Variants in DPY19L2 observed in about 807,000 individuals in gnomAD.
The protein encoded by DPY19L2 is dpy-19 like 2.
Under a neutral mutation model 97.9 loss-of-function variants are expected in DPY19L2, and 34 were observed. The observed-to-expected ratio is 0.35, with a 90% CI of 0.26 to 0.46. The LOEUF (loss-of-function observed/expected upper bound fraction) is 0.46. DPY19L2 is among the 20% of genes least tolerant of loss of function. The probability of loss-of-function intolerance (pLI) is 1.00; values close to 1 mark genes in which losing one functional copy is unlikely to be tolerated. For synonymous variants in DPY19L2, 230 were observed against 307.9 expected, an observed-to-expected ratio of 0.75 and a Z score of 2.65; for missense variants, 623 against 911.4, an observed-to-expected ratio of 0.68 and a Z score of 4.07.
chr12:63,560,158 A>G lies in DPY19L2; in HGVS notation c.*354T>C. 1 of 175,018 alleles carries G rather than the reference A, an allele frequency of 5.7e-6. No individual in the cohort carries two copies. Among genetic ancestry groups the G allele is most frequent in the South Asian group, 1.4e-4 (1 of 7,218 alleles). The allele number at this position is 175,018 out of a possible 1,614,324, so 10.8% of individuals were successfully genotyped here. The stretch of plus-strand genomic sequence containing the variant: ...TTGAGGAGGTACCCTCTGGTACTAG[A>G]GAAAATCTGAAGCAATTCACCTAGT... On this transcript the variant is annotated 3_prime_UTR_variant, in exon 22 of 22. Coordinates refer to ENST00000324472, the MANE Select transcript of DPY19L2 (RefSeq NM_173812.5).
At chr12:63,663,925 AAAAAG>A (rs1896007103) in intron 2 of DPY19L2, 80 bp from the exon 3 acceptor site, 2 of 885,546 alleles carry the variant, frequency 2.3e-6, no homozygotes, top group Non-Finnish European at 3.4e-6. Context: ...GAAAGCCATA[AAAAAG>A]AAAACAATAA....
intron 4 of DPY19L2, among the ~76,000 whole-genome samples, chr12:63,658,718 A>G (rs1895291373): frequency 6.6e-6 from 1 of 152,108 alleles, no homozygotes; most frequent in Admixed American, 6.5e-5. Context: ...CCAAGGAAGT[A>G]TTACTCATAA....
At chr12:63,619,710 G>A (rs1289363487) in intron 9 of DPY19L2, among the ~76,000 whole-genome samples, 1 of 151,906 alleles carries the variant, frequency 6.6e-6, no homozygotes, top group East Asian at 1.9e-4. Flanking sequence ...TCACCATCTT[G>A]GCCAGGCTGG....
chr12:63,645,086 ATG>A (rs56147827), intron 5 of DPY19L2, among the ~76,000 whole-genome samples: 98,682 of 150,398 alleles, frequency 0.66, 32,614 homozygotes, highest in East Asian at 0.87. Context: ...ATAGAAGATC[ATG>A]TGTGTGTGTG....
At chr12:63,624,452 GTATGATCCTGGCA>G (rs952392908) in intron 7 of DPY19L2, among the ~76,000 whole-genome samples, 1 of 152,036 alleles carries the variant, frequency 6.6e-6, no homozygotes, top group African/African-American at 2.4e-5. Context: ...CAGCCCTGCA[GTATGATCCTGGCA>G]TATGATCCTG....
intron 15 of DPY19L2, among the ~76,000 whole-genome samples, chr12:63,594,491 G>GTGTGTGTGTGTGTGTA (rs58963302): frequency 1.0e-3 from 149 of 144,624 alleles, no homozygotes; most frequent in African/African-American, 3.8e-3. Flanking sequence ...GTGTGTGTGT[G>GTGTGTGTGTGTGTGTA]TATGAAACTT....
chr12:63,589,023 T>C (rs11175054), intron 16 of DPY19L2, among the ~76,000 whole-genome samples: 33,450 of 151,638 alleles, frequency 0.22, 4,066 homozygotes, highest in East Asian at 0.43. Context: ...AAAATGCTGG[T>C]ATTACAGGCG....
At chr12:63,657,818 C>T (rs1270277711) in intron 4 of DPY19L2, among the ~76,000 whole-genome samples, 1 of 152,196 alleles carries the variant, frequency 6.6e-6, no homozygotes, top group African/African-American at 2.4e-5. Flanking sequence ...TTCATACCAG[C>T]TCACACTAAG....
At position 63,583,738 on chromosome 12, in the gene DPY19L2, T is replaced by G. The variant is rs1435411768; in HGVS notation, c.1605+74A>C. The G allele has an allele frequency of 2.0e-6, 3 of 1,500,898 alleles. No individual in the cohort carries two copies. The African/African-American group carries it at 4.2e-5, about 21-fold the overall frequency. 93.0% of individuals were successfully genotyped at this position (1,500,898 alleles called of 1,614,324 possible). ...TACTGAAGGTGCATCAGCAGCAAGG[T>G]TATACCTTTGTCAATTATCCTCAAA... is the stretch of plus-strand genomic sequence containing the variant. On this transcript the variant is annotated intron_variant, in intron 17 of 21. Coordinates refer to ENST00000324472, the MANE Select transcript of DPY19L2 (RefSeq NM_173812.5).
At chr12:63,610,856 A>AAAAAAAAAAAAAAAAAAAAC (rs1886848949) in intron 11 of DPY19L2, among the ~76,000 whole-genome samples, 1 of 97,272 alleles carries the variant, frequency 1.0e-5, no homozygotes, top group Non-Finnish European at 2.2e-5. Flanking sequence ...AAAAAAAAAA[A>AAAAAAAAAAAAAAAAAAAAC]AAAAAAAAAA....
intron 12 of DPY19L2, 55 bp from the exon 13 acceptor site, chr12:63,600,441 T>C: frequency 7.5e-7 from 1 of 1,334,742 alleles, no homozygotes; most frequent in Non-Finnish European, 1.1e-6. Context: ...CCAGCTAAAG[T>C]ATTCAATTAT....
chr12:63,594,263 A>G, intron 15 of DPY19L2, 130 bp from the exon 16 acceptor site: 1 of 650,692 alleles, frequency 1.5e-6, no homozygotes, highest in Non-Finnish European at 2.5e-6. Flanking sequence ...GTCCTCAGGA[A>G]CAGGACGGTC....
chr12:63,576,874 C>A (rs1432341558), intron 19 of DPY19L2, among the ~76,000 whole-genome samples: 1 of 152,000 alleles, frequency 6.6e-6, no homozygotes, highest in Admixed American at 6.6e-5. Flanking sequence ...AAGCAATCTA[C>A]AGATTCAATG....
intron 15 of DPY19L2, among the ~76,000 whole-genome samples, chr12:63,594,766 A>T (rs1170574343): frequency 2.6e-5 from 4 of 152,162 alleles, no homozygotes; most frequent in South Asian, 4.1e-4. Context: ...TTAATTTTTT[A>T]AAATATAGCA....
chr12:63,624,556 G>T (rs976589516), intron 7 of DPY19L2, among the ~76,000 whole-genome samples: 36 of 152,198 alleles, frequency 2.4e-4, no homozygotes, highest in Non-Finnish European at 4.3e-4. Context: ...AGCACCAAGA[G>T]AGTTTCTACA....
At chr12:63,629,184 T>C (rs191717722) in intron 6 of DPY19L2, among the ~76,000 whole-genome samples, 21 of 152,156 alleles carry the variant, frequency 1.4e-4, no homozygotes, top group South Asian at 2.1e-4. Flanking sequence ...GGAACGCAGC[T>C]CCTCACCAGC....
chr12:63,650,730 A>G (rs1894090075), intron 4 of DPY19L2, among the ~76,000 whole-genome samples: 1 of 152,210 alleles, frequency 6.6e-6, no homozygotes, highest in South Asian at 2.1e-4. Flanking sequence ...GCTCATGAAT[A>G]GGAAGATTCA....
At chr12:63,579,268 T>C (rs1880448692) in intron 19 of DPY19L2, among the ~76,000 whole-genome samples, 1 of 152,202 alleles carries the variant, frequency 6.6e-6, no homozygotes, top group African/African-American at 2.4e-5. Flanking sequence ...GACCACAAGC[T>C]GGATTTAAGC....
chr12:63,654,325 A>C (rs1289776194), intron 4 of DPY19L2, among the ~76,000 whole-genome samples: 1 of 152,148 alleles, frequency 6.6e-6, no homozygotes, highest in Non-Finnish European at 1.5e-5. Flanking sequence ...AGCTTTGTAA[A>C]GTGATATATT....
Sources: gnomAD v4.1 joint callset for allele counts (sites outside exome capture counted in the v4.1 genomes callset) on GRCh38, gnomAD v4.1.1 for gene constraint, MANE v1.5 for transcripts, NCBI Gene and HGNC (gene_info 2026-07-23, HGNC 2026-07-21) for gene names.